The following TAB2 variants were observed in gnomAD, a reference collection of about 807,000 sequenced individuals.
TAB2 encodes the protein TGF-beta activated kinase 1 (MAP3K7) binding protein 2, also known as TGF-beta-activated kinase 1 and MAP3K7-binding protein 2.
In TAB2, 3 loss-of-function variants were observed where a neutral mutation model predicts 65.0. The ratio of observed to expected loss-of-function variants is 0.05; its 90% CI spans 0.02 to 0.12. The LOEUF (loss-of-function observed/expected upper bound fraction) is 0.12, where lower values mean the gene tolerates loss of function less well. Ranked by LOEUF, TAB2 falls within the 10% of genes least tolerant of loss-of-function variation. TAB2 has a pLI of 1.00. For missense variants in TAB2, 623 were observed against 840.3 expected (o/e 0.74, Z 3.20); for synonymous variants, 298 against 285.1 (o/e 1.05, Z -0.46).
intron 1 of TAB2, among the ~76,000 whole-genome samples, chr6:149,360,735 A>G (rs1242482286): frequency 2.0e-5 from 3 of 152,272 alleles, no homozygotes; most frequent in South Asian, 2.1e-4. Flanking sequence ...CAAAAGTCCA[A>G]AGTATCATCT....
At chr6:149,262,548 T>C (rs1361688850) in intron 1 of TAB2, among the ~76,000 whole-genome samples, 1 of 147,540 alleles carries the variant, frequency 6.8e-6, no homozygotes, top group South Asian at 2.1e-4. Context: ...AAAAAAAAAA[T>C]CTCATATGCT....
At chr6:149,237,744 C>A (rs1036060524) in intron 1 of TAB2, among the ~76,000 whole-genome samples, 1 of 152,148 alleles carries the variant, frequency 6.6e-6, no homozygotes, top group Non-Finnish European at 1.5e-5. Context: ...ACAGCCAGTC[C>A]CCTCCCACTG....
chr6:149,314,110 A>C (rs1779209463), upstream of TAB2, among the ~76,000 whole-genome samples: 1 of 152,226 alleles, frequency 6.6e-6, no homozygotes, highest in Non-Finnish European at 1.5e-5. Context: ...GAGATATCAA[A>C]TTCTTCATTA....
At chr6:149,232,648 G>T (rs76780218) in intron 1 of TAB2, among the ~76,000 whole-genome samples, 6 of 152,168 alleles carry the variant, frequency 3.9e-5, no homozygotes, top group South Asian at 2.1e-4. Context: ...CCATAGAAGT[G>T]GGGGGAGGGT....
intron 1 of TAB2, among the ~76,000 whole-genome samples, chr6:149,318,276 G>A (rs539170104): frequency 3.4e-4 from 52 of 151,880 alleles, no homozygotes; most frequent in African/African-American, 1.1e-3. Context: ...GTCCGTGCGG[G>A]GGGGGAGGGG....
intron 1 of TAB2, among the ~76,000 whole-genome samples, chr6:149,312,343 T>C (rs1779179857): frequency 6.6e-6 from 1 of 152,158 alleles, no homozygotes; most frequent in African/African-American, 2.4e-5. Flanking sequence ...CTCCTTTCCA[T>C]GTGCTTTTTT....
chr6:149,355,527 C>T (rs1469960565), intron 1 of TAB2, among the ~76,000 whole-genome samples: 6 of 151,766 alleles, frequency 4.0e-5, no homozygotes, highest in East Asian at 1.9e-4. Context: ...ATTAGCCGGG[C>T]GTGGTGGCAG....
chr6:149,231,476 T>C (rs1477226896), intron 1 of TAB2, among the ~76,000 whole-genome samples: 1 of 152,230 alleles, frequency 6.6e-6, no homozygotes, highest in Non-Finnish European at 1.5e-5. Context: ...CTTTGTGGTG[T>C]TTTCTTCTAA....
At chr6:149,386,034 C>T (rs1781796880) in intron 3 of TAB2, among the ~76,000 whole-genome samples, 1 of 152,140 alleles carries the variant, frequency 6.6e-6, no homozygotes, top group African/African-American at 2.4e-5. Context: ...CCATTATATT[C>T]CCCTTCCCAT....
rs375406263 is a variant in TAB2 at position 149,253,921 on chromosome 6, C to CGAAAGAAAGAAAGAAA, written c.-121+35152_-121+35167dup. Among the ~76,000 whole-genome samples the CGAAAGAAAGAAAGAAA allele has an allele frequency of 1.2e-3, 93 of 74,946 alleles. 2 individuals are homozygous for CGAAAGAAAGAAAGAAA. The highest frequency in any genetic ancestry group is 2.7e-3 in the East Asian group (6 of 2,232). The allele number at this position is 74,946 out of a possible 152,430, so 49.2% of individuals were successfully genotyped here. On this transcript the variant is annotated intron_variant, in intron 1 of 1. Transcript: ENST00000606202. ...TGGGTGACAGAGAGAGACTCCATCT[C>CGAAAGAAAGAAAGAAA]GAAAGAAAGAAAGAAAGAAAGAGAA... is the stretch of plus-strand genomic sequence containing the variant.
chr6:149,408,348 A>G (rs1025132054), intron 6 of TAB2, among the ~76,000 whole-genome samples: 2 of 152,188 alleles, frequency 1.3e-5, no homozygotes, highest in Admixed American at 6.5e-5. Flanking sequence ...AAAAATTGTG[A>G]CAATGGAAAG....
At chr6:149,286,349 T>C (rs929683545) in intron 1 of TAB2, among the ~76,000 whole-genome samples, 1 of 152,234 alleles carries the variant, frequency 6.6e-6, no homozygotes, top group Non-Finnish European at 1.5e-5. Context: ...ATTTTCTTTT[T>C]ATGGTAATTT....
intron 1 of TAB2, among the ~76,000 whole-genome samples, chr6:149,237,983 G>GT (rs1163981743): frequency 6.6e-6 from 1 of 152,134 alleles, no homozygotes; most frequent in African/African-American, 2.4e-5. Context: ...CACACTCAGC[G>GT]TTCCCATAGC....
intron 1 of TAB2, among the ~76,000 whole-genome samples, chr6:149,284,645 TAC>T (rs59723819): frequency 0.11 from 16,012 of 141,166 alleles, 930 homozygotes; most frequent in Admixed American, 0.15. Context: ...ATGATCTCTT[TAC>T]ACACACACAC....
intron 1 of TAB2, among the ~76,000 whole-genome samples, chr6:149,234,590 T>C (rs957744895): frequency 1.3e-5 from 2 of 152,212 alleles, no homozygotes; most frequent in African/African-American, 4.8e-5. Flanking sequence ...CGCATGTACC[T>C]TGCAAATGAC....
chr6:149,247,523 C>G (rs1042023509), intron 1 of TAB2: 3 of 152,256 alleles, frequency 2.0e-5, no homozygotes, highest in Admixed American at 6.5e-5. Flanking sequence ...TCCCACAACC[C>G]CCAGCGCATT....
upstream of TAB2, among the ~76,000 whole-genome samples, chr6:149,314,236 T>C (rs1233292317): frequency 6.6e-6 from 1 of 152,252 alleles, no homozygotes; most frequent in East Asian, 1.9e-4. Flanking sequence ...CTGGTCTTTG[T>C]GCCTTCGAAC....
At chr6:149,312,429 C>T (rs1401950175) in intron 1 of TAB2, among the ~76,000 whole-genome samples, 1 of 152,164 alleles carries the variant, frequency 6.6e-6, no homozygotes, top group Non-Finnish European at 1.5e-5. Context: ...GTGGCACAAT[C>T]TCAGCTCACT....
intron 1 of TAB2, among the ~76,000 whole-genome samples, chr6:149,249,123 GACACACACACAT>G (rs1432161025): frequency 6.9e-5 from 10 of 144,222 alleles, no homozygotes; most frequent in African/African-American, 2.6e-4. Flanking sequence ...TCTGCACACA[GACACACACACAT>G]ACACACACAC....
Sources: allele counts gnomAD v4.1 joint callset (sites outside exome capture counted in the v4.1 genomes callset), GRCh38; gene constraint gnomAD v4.1.1; transcripts MANE v1.5; gene names NCBI Gene and HGNC (gene_info 2026-07-23, HGNC 2026-07-21).